SGCA: variants seen among roughly 807,000 people sequenced by gnomAD.
SGCA encodes the protein alpha-sarcoglycan.
In SGCA, 34 loss-of-function variants were observed where a neutral mutation model predicts 38.1. That is an observed-to-expected ratio of 0.89 (90% CI 0.68 to 1.19). SGCA has a LOEUF of 1.19. Ranked by LOEUF, SGCA falls within the 50% of genes most tolerant of loss-of-function variation. The pLI is 0.00. For missense variants in SGCA, 476 were observed against 524.9 expected (o/e 0.91, Z 0.91); for synonymous variants, 209 against 214.6 (o/e 0.97, Z 0.23).
chr17:50,166,973 GCA>G (rs1475689135), intron 1 of SGCA, among the ~76,000 whole-genome samples: 5 of 81,360 alleles, frequency 6.1e-5, no homozygotes, highest in Admixed American at 4.7e-4. Context: ...ACACTCACTT[GCA>G]CACACACCCT....
At chr17:50,172,030 C>T (rs1235133708) in intron 8 of SGCA, 2 of 455,996 alleles carry the variant, frequency 4.4e-6, no homozygotes, top group Non-Finnish European at 8.8e-6. Context: ...CTGCTTCTCT[C>T]CCTGGGGTAG....
chr17:50,174,780 A>G (rs1348099147), intron 8 of SGCA, among the ~76,000 whole-genome samples: 1 of 152,142 alleles, frequency 6.6e-6, no homozygotes, highest in Non-Finnish European at 1.5e-5. Flanking sequence ...ACCACTGGGC[A>G]CTGAGCAGGC....
At chr17:50,174,711 A>G (rs1905778864) in intron 8 of SGCA, among the ~76,000 whole-genome samples, 1 of 152,070 alleles carries the variant, frequency 6.6e-6, no homozygotes, top group Non-Finnish European at 1.5e-5. Context: ...TGGTTAAGCA[A>G]CTTGCCCAAG....
At position 50,168,006 on chromosome 17, in the gene SGCA, T is replaced by G; in HGVS notation, c.372T>G (p.Ile124Met). Residue 124 changes from isoleucine (I) to methionine (M), a missense_variant, in exon 4 of 10, where the codon ATT (isoleucine) becomes ATG (methionine). Transcript: ENST00000262018. Reference protein sequence around the residue: ...DTTRQRLVLEIGDPEGPLLPY... With the variant: ...DTTRQRLVLEMGDPEGPLLPY... ...CTCGGCAGAGGCTGGTGCTGGAGAT[T>G]GGGGACCCAGAAGGTACCTCTAGCT... The G allele has an allele frequency of 6.2e-7, 1 of 1,613,994 alleles. No homozygotes were observed. Among genetic ancestry groups the G allele is most frequent in the Non-Finnish European group, 8.5e-7 (1 of 1,179,904 alleles).
intron 5 of SGCA, 119 bp from the exon 6 acceptor site, chr17:50,168,973 C>G: frequency 1.1e-6 from 1 of 923,650 alleles, no homozygotes; most frequent in Non-Finnish European, 1.8e-6. Context: ...TTAGGCGTCT[C>G]CCTCATCCCA....
intron 8 of SGCA, among the ~76,000 whole-genome samples, chr17:50,174,361 GC>G (rs959645239): frequency 4.6e-5 from 7 of 151,970 alleles, no homozygotes; most frequent in African/African-American, 1.7e-4. Flanking sequence ...ATAAAGCTCA[GC>G]AAACACTGGC....
At chr17:50,166,125 G>C in intron 1 of SGCA, 48 bp downstream of exon 1, 3 of 1,517,698 alleles carry the variant, frequency 2.0e-6, no homozygotes, top group Non-Finnish European at 2.7e-6. Context: ...GAGGGGGCAG[G>C]ATTTAGGGGT....
rs60300808 is a variant in SGCA, at chr17:50,175,447, C to G, written c.*10C>G. On this transcript the variant is annotated splice_region_variant and 3_prime_UTR_variant, in exon 9 of 10. Coordinates refer to ENST00000262018, the MANE Select transcript of SGCA (RefSeq NM_000023.4). ...TCTGGACCAGCACTGACAGCCTAGC[C>G]AGGTAGGTCTGGTGGGTGATGCCAG... 1,768 of 1,612,142 alleles carry G rather than the reference C, an allele frequency of 1.1e-3. 20 individuals carry two copies. The African/African-American group carries it at 0.02, about 18-fold the overall frequency.
intron 8 of SGCA, chr17:50,172,132 T>C (rs1326558206): frequency 2.2e-6 from 1 of 456,570 alleles, no homozygotes; most frequent in East Asian, 6.9e-5. Context: ...TCCCGGTTCC[T>C]GGTCCTCGCT....
Position 50,168,556 on chromosome 17 carries a change from G to C in SGCA, c.568G>C (p.Glu190Gln). 6.4e-7 allele frequency: 1 copy of C among 1,569,028 alleles called. No individual in the cohort carries two copies. Among genetic ancestry groups the C allele is most frequent in the Non-Finnish European group, 8.6e-7 (1 of 1,156,216 alleles). Residue 190 changes from glutamate to glutamine, a missense_variant, in exon 5 of 10, where the codon GAG (glutamate) becomes CAG (glutamine). Physicochemically the swap from Glu to Gln is conservative, Grantham distance 29. Transcript: ENST00000262018. ...DRGGRVPLPI[E>Q]GRKEGVYIKV... ...TGGGGGCCGTGTCCCCCTTCCCATT[G>C]AGGGCCGAAAAGAAGGGTAGGTGTG...
rs1905244674 is a variant in SGCA at position 50,170,067 on chromosome 17, T to C, written c.748-76T>C. 1.8e-5 allele frequency: 23 copies of C among 1,277,996 alleles called. No individual in the cohort carries two copies. In the Admixed American group the frequency reaches 4.3e-4, roughly 24 times the overall value. 79.2% of individuals were successfully genotyped at this position (1,277,996 alleles called of 1,614,324 possible). A position where few individuals can be genotyped will look rare whatever the true frequency, so the allele number is the denominator to read the frequency against. On this transcript the variant is annotated intron_variant, in intron 6 of 9. Coordinates refer to ENST00000262018, the MANE Select transcript of SGCA (RefSeq NM_000023.4). Reference sequence around the variant, plus strand: ...CTTTGTGTCTCCTGCCTCCTAGTCCTGGCCCCTGCCATGTTCCTGGGGACC... The same window carrying C: ...CTTTGTGTCTCCTGCCTCCTAGTCCCGGCCCCTGCCATGTTCCTGGGGACC...
chr17:50,172,440 C>A (rs2696292), intron 8 of SGCA: 66,234 of 378,448 alleles, frequency 0.18, 6,512 homozygotes, highest in East Asian at 0.31. Flanking sequence ...ACGGTGCGTG[C>A]ACATATGCAT....
At chr17:50,174,606 C>G (rs958821001) in intron 8 of SGCA, among the ~76,000 whole-genome samples, 2 of 152,036 alleles carry the variant, frequency 1.3e-5, no homozygotes, top group African/African-American at 4.8e-5. Flanking sequence ...TTCGGCCTCC[C>G]GAAGTGCTGG....
rs200973744 is a variant in SGCA at position 50,167,942 on chromosome 17, C to T, written c.313-5C>T. ...CACTTCTCAGATGTCTTTCCCATCC[C>T]CCAGGTCACAGCCTACAATCGGGAC... On this transcript the variant is annotated splice_region_variant and splice_polypyrimidine_tract_variant and intron_variant, in intron 3 of 9. Transcript: ENST00000262018. This position sits in a 1 kb window ranked among gnomAD's most constrained non-coding sequence, Gnocchi z 4.5. 2 of 1,614,116 alleles carry T rather than the reference C, an allele frequency of 1.2e-6. No individual in the cohort carries two copies. The highest frequency in any genetic ancestry group is 4.5e-5 in the East Asian group (2 of 44,880).
At chr17:50,174,098 C>T (rs1213149407) in intron 8 of SGCA, among the ~76,000 whole-genome samples, 1 of 152,080 alleles carries the variant, frequency 6.6e-6, no homozygotes, top group Non-Finnish European at 1.5e-5. Flanking sequence ...GCAGGAGGGT[C>T]CCTTGAGGCC....
At chr17:50,170,085 T>G (rs1049730333) in intron 6 of SGCA, 58 bp from the exon 7 acceptor site, 1 of 1,470,628 alleles carries the variant, frequency 6.8e-7, no homozygotes, top group African/African-American at 1.4e-5. Context: ...GCCATGTTCC[T>G]GGGGACCTCT....
At position 50,167,516 on chromosome 17, in the gene SGCA, G is replaced by A. The variant is rs1286619686; in HGVS notation, c.157+29G>A. 1.9e-6 allele frequency: 3 copies of A among 1,614,004 alleles called. No individual in the cohort carries two copies. The highest frequency in any genetic ancestry group is 2.5e-6 in the Non-Finnish European group (3 of 1,180,008). ...AGCGGCCTGACAGGCACCCAGGCGG[G>A]CGGGCTGGGGTGTACCCCGCAGGGC... is the stretch of plus-strand genomic sequence containing the variant. On this transcript the variant is annotated intron_variant, in intron 2 of 9. Coordinates refer to ENST00000262018, the MANE Select transcript of SGCA (RefSeq NM_000023.4). This position sits in a 1 kb window ranked among gnomAD's most constrained non-coding sequence, Gnocchi z 4.5.
Position 50,167,911 on chromosome 17 carries a change from CT to C in SGCA, c.313-35del. On this transcript the variant is annotated intron_variant, in intron 3 of 9. Coordinates refer to ENST00000262018, the MANE Select transcript of SGCA (RefSeq NM_000023.4). The surrounding 1 kb of genome is among the most constrained non-coding windows in gnomAD (Gnocchi z 4.5). ...GCCCCCGCTGTGCCACGTTTCTCCCCTAACCCACTTCTCAGATGTCTTTCCC... is the reference window on the plus strand; with the variant it reads ...GCCCCCGCTGTGCCACGTTTCTCCCCAACCCACTTCTCAGATGTCTTTCCC... 6.2e-7 allele frequency: 1 copy of C among 1,606,016 alleles called. No individual in the cohort carries two copies. The highest frequency in any genetic ancestry group is 1.3e-5 in the African/African-American group (1 of 74,846).
chr17:50,170,708 G>T (rs1905311736), intron 8 of SGCA, 42 bp downstream of exon 8: 1 of 1,521,018 alleles, frequency 6.6e-7, no homozygotes, highest in Non-Finnish European at 8.9e-7. Context: ...AGCCCACCTA[G>T]ACAGTTGTTG....
Sources: allele counts gnomAD v4.1 joint callset (sites outside exome capture counted in the v4.1 genomes callset), GRCh38; gene constraint gnomAD v4.1.1; non-coding constraint Gnocchi (gnomAD v3.1); transcripts MANE v1.5; gene names NCBI Gene and HGNC (gene_info 2026-07-23, HGNC 2026-07-21).